Variants in SLC7A10 observed in about 807,000 individuals in gnomAD.
SLC7A10 encodes solute carrier family 7 member 10, also known as asc-type amino acid transporter 1.
SLC7A10 carries 30 observed loss-of-function variants against 52.7 expected under a neutral mutation model. The ratio of observed to expected loss-of-function variants is 0.57; its 90% confidence interval spans 0.43 to 0.77. The LOEUF is 0.77. Ranked by LOEUF, SLC7A10 falls within the 30% of genes least tolerant of loss-of-function variation. The pLI, the probability that SLC7A10 is intolerant of heterozygous loss-of-function variation, is 0.00. For synonymous variants in SLC7A10, 318 were observed against 314.9 expected (o/e 1.01, Z -0.10); for missense variants, 581 against 698.5 (o/e 0.83, Z 1.90).
At chr19:33,214,855 G>A (rs1974634155) in intron 2 of SLC7A10, among the ~76,000 whole-genome samples, 1 of 152,186 alleles carries the variant, frequency 6.6e-6, no homozygotes, top group Non-Finnish European at 1.5e-5. Context: ...TCTGTTCTGT[G>A]AGCAGCTTGA....
At chr19:33,218,047 G>A (rs538274340) in intron 1 of SLC7A10, among the ~76,000 whole-genome samples, 2 of 152,266 alleles carry the variant, frequency 1.3e-5, no homozygotes, top group East Asian at 3.9e-4. Flanking sequence ...AGGACCTGGC[G>A]GACTGGGATT....
In SLC7A10 at chr19:33,210,825, G is replaced by A; in HGVS notation, c.1090C>T (p.Pro364Ser). 6.2e-7 allele frequency: 1 copy of A among 1,613,612 alleles called. No individual in the cohort carries two copies. Among genetic ancestry groups the A allele is most frequent in the Non-Finnish European group, 8.5e-7 (1 of 1,180,038 alleles). ...ACACAGACGAGGAGGGCGGGGATGG[G>A]GGTGCAGTGTCTGACGTGGATCATG... ...LAMIHVRHCT[P>S]IPALLVCCGA... The change falls in exon 8 of 11, where the codon CCC becomes TCC. Residue 364 changes from proline to serine, a missense_variant. Pro to Ser is a moderately conservative substitution (Grantham distance 74, BLOSUM62 -1). Coordinates refer to ENST00000253188, the MANE Select transcript of SLC7A10 (RefSeq NM_019849.3). This position sits in a 1 kb window ranked among gnomAD's most constrained non-coding sequence, Gnocchi z 5.6.
intron 1 of SLC7A10, among the ~76,000 whole-genome samples, chr19:33,217,180 C>CA (rs537354361): frequency 6.0e-5 from 9 of 150,462 alleles, no homozygotes; most frequent in Admixed American, 2.0e-4. Flanking sequence ...CCCGGCTAAT[C>CA]AAAAAAAAAT....
Position 33,212,529 on chromosome 19 carries a change from G to C in SLC7A10, c.619C>G (p.Leu207Val). 6.2e-7 allele frequency: 1 copy of C among 1,614,044 alleles called. No homozygotes were observed. Among genetic ancestry groups the C allele is most frequent in the East Asian group, 2.2e-5 (1 of 44,886 alleles). The change falls in exon 4 of 11, where the codon CTC becomes GTC. Residue 207 changes from leucine (L) to valine (V), a missense_variant. Transcript: ENST00000253188. ...TCGGCCCTACCTTGGAAGATCTGGA[G>C]AAGGCCCACGCCGATGATGAGGGAC... The part of the protein sequence containing the change: ...ALSLIIGVGL[L>V]QIFQGHFEEL...
At chr19:33,209,060 G>T in intron 10 of SLC7A10, 39 bp from the exon 11 acceptor site, 1 of 1,611,528 alleles carries the variant, frequency 6.2e-7, no homozygotes, top group Non-Finnish European at 8.5e-7. Flanking sequence ...CTGACCTCTC[G>T]GGATAGGGGT....
intron 3 of SLC7A10, 24 bp from the exon 4 acceptor site, chr19:33,212,663 GC>G (rs1974581403): frequency 6.2e-7 from 1 of 1,613,380 alleles, no homozygotes; most frequent in Non-Finnish European, 8.5e-7. Flanking sequence ...GCGGGGGTGG[GC>G]GCCGAGGCCG....
chr19:33,223,617 G>A (rs546191649), intron 1 of SLC7A10, among the ~76,000 whole-genome samples: 16 of 152,052 alleles, frequency 1.1e-4, no homozygotes, highest in South Asian at 4.2e-4. Flanking sequence ...TTCCTGCCTC[G>A]TCCAGCCTCC....
chr19:33,215,626 A>ATCCACCCCCCACACCTTCTCTCCC (rs1974658499), intron 2 of SLC7A10, 143 bp downstream of exon 2: 1 of 306,666 alleles, frequency 3.3e-6, no homozygotes, highest in African/African-American at 3.9e-5. Context: ...CCTTCTCTCC[A>ATCCACCCCCCACACCTTCTCTCCC]TCCACCCCCC....
rs542165905 is a variant in SLC7A10 at position 33,218,567 on chromosome 19, G to A, written c.152-2594C>T. On this transcript the variant is annotated intron_variant, in intron 1 of 10. Coordinates refer to ENST00000253188, the MANE Select transcript of SLC7A10 (RefSeq NM_019849.3). ...CACTGCATGGAGCAGCCGGGGCTGC[G>A]GGCTTGGGCACGGAGGAGGGAGGGG... is the stretch of plus-strand genomic sequence containing the variant. Among the ~76,000 whole-genome samples, 18 of 151,804 alleles carry A rather than the reference G, an allele frequency of 1.2e-4. No individual in the cohort carries two copies. In the South Asian group the frequency reaches 2.5e-3, roughly 21 times the overall value.
Position 33,212,889 on chromosome 19 carries a change from G to A in SLC7A10, c.470C>T (p.Pro157Leu). The change falls in exon 3 of 11, where the codon CCC becomes CTC. Residue 157 changes from proline (P) to leucine (L), a missense_variant. By Grantham distance (98) the Pro-to-Leu change is moderately conservative. Transcript: ENST00000253188. Reference sequence around the variant, plus strand: ...GGACAGCACCCGGGAGGCTGTGGTGGGGGGGATGCAGTTGGGGAACACGGG... The same window carrying A: ...GGACAGCACCCGGGAGGCTGTGGTGAGGGGGATGCAGTTGGGGAACACGGG... ...LQPVFPNCIP[P>L]TTASRVLSMA... 1 of 1,614,188 alleles carries A rather than the reference G, an allele frequency of 6.2e-7. No individual in the cohort carries two copies.
chr19:33,211,990 T>C, intron 5 of SLC7A10: 1 of 526,278 alleles, frequency 1.9e-6, no homozygotes, highest in East Asian at 3.4e-5. Context: ...GACCATATTG[T>C]GTGTATATGC....
At chr19:33,213,412 C>T (rs1274591297) in intron 2 of SLC7A10, among the ~76,000 whole-genome samples, 1 of 152,030 alleles carries the variant, frequency 6.6e-6, no homozygotes, top group East Asian at 1.9e-4. Flanking sequence ...CCTCAGTCTC[C>T]CAAGTAGCTG....
intron 1 of SLC7A10, among the ~76,000 whole-genome samples, chr19:33,216,694 C>G (rs1488284738): frequency 6.6e-6 from 1 of 152,156 alleles, no homozygotes; most frequent in African/African-American, 2.4e-5. Flanking sequence ...CCTGCCTCAG[C>G]CTTCCAAGTA....
At chr19:33,218,876 G>A (rs1476441265) in intron 1 of SLC7A10, among the ~76,000 whole-genome samples, 2 of 151,024 alleles carry the variant, frequency 1.3e-5, no homozygotes, top group Non-Finnish European at 3.0e-5. Flanking sequence ...TGGGAAGGTC[G>A]GAGGGTCTCC....
Position 33,212,889 on chromosome 19 carries a change from G to T in SLC7A10, c.470C>A (p.Pro157His), listed in dbSNP as rs770544805. The change falls in exon 3 of 11, where the codon CCC (proline) becomes CAC (histidine). Residue 157 changes from proline to histidine, a missense_variant. By Grantham distance (77) the Pro-to-His change is moderately conservative (BLOSUM62 -2). Transcript: ENST00000253188. ...GGACAGCACCCGGGAGGCTGTGGTG[G>T]GGGGGATGCAGTTGGGGAACACGGG... ...LQPVFPNCIP[P>H]TTASRVLSMA... The T allele has an allele frequency of 2.5e-6, 4 of 1,614,188 alleles. No homozygotes were observed. Among genetic ancestry groups the T allele is most frequent in the South Asian group, 2.2e-5 (2 of 91,082 alleles).
Position 33,212,425 on chromosome 19 carries a change from G to C in SLC7A10, c.655C>G (p.Pro219Ala). The part of the protein sequence containing the change: ...IFQGHFEELR[P>A]SNAFAFWMTP... The stretch of plus-strand genomic sequence containing the variant: ...ATCCAGAAAGCAAAGGCATTGCTGG[G>C]CCTCAGCTCCTCGAAGTGTCCTGGA... Residue 219 changes from proline to alanine, a missense_variant, in exon 5 of 11, where the codon CCC becomes GCC. Pro to Ala is a conservative substitution (Grantham distance 27). Coordinates refer to ENST00000253188, the MANE Select transcript of SLC7A10 (RefSeq NM_019849.3). The C allele has an allele frequency of 6.2e-7, 1 of 1,613,940 alleles. No homozygotes were observed. The highest frequency in any genetic ancestry group is 1.7e-5 in the Admixed American group (1 of 60,032).
At chr19:33,212,155 C>T in intron 5 of SLC7A10, 137 bp downstream of exon 5, 2 of 1,297,940 alleles carry the variant, frequency 1.5e-6, no homozygotes, top group Non-Finnish European at 2.2e-6. Context: ...TTCCCAGGGC[C>T]ATTTTTGCAG....
chr19:33,224,060 G>A (rs1974872078), intron 1 of SLC7A10, among the ~76,000 whole-genome samples: 1 of 152,070 alleles, frequency 6.6e-6, no homozygotes, highest in Admixed American at 6.5e-5. Flanking sequence ...ATGTGGGGAG[G>A]GGATAGAGTA....
Position 33,209,331 on chromosome 19 carries a change from G to A in SLC7A10, c.1418C>T (p.Pro473Leu), listed in dbSNP as rs1484553024. 1.3e-5 allele frequency: 21 copies of A among 1,613,856 alleles called. No homozygotes were observed. The Admixed American group carries it at 3.5e-4, about 27-fold the overall frequency. The change falls in exon 10 of 11, where the codon CCA becomes CTA. Residue 473 changes from proline to leucine, a missense_variant. Physicochemically the swap from Pro to Leu is moderately conservative, Grantham distance 98 (BLOSUM62 -3). Transcript: ENST00000253188. The part of the protein sequence containing the change: ...FFLGVFWRSK[P>L]KCVHRLTESM... The stretch of plus-strand genomic sequence containing the variant: ...ACCTGTGAGTCTGTGCACACACTTT[G>A]GTTTGCTTCTCCAGAACACTCCCAG...
Sources: allele counts gnomAD v4.1 joint callset (sites outside exome capture counted in the v4.1 genomes callset), GRCh38; gene constraint gnomAD v4.1.1; non-coding constraint Gnocchi (gnomAD v3.1); transcripts MANE v1.5; gene names NCBI Gene and HGNC (gene_info 2026-07-23, HGNC 2026-07-21).